The following CDH4 variants were observed in gnomAD, a reference collection of about 807,000 sequenced individuals.
CDH4 encodes the protein cadherin 4.
In CDH4, 33 loss-of-function variants were observed where a neutral mutation model predicts 86.0. That is an observed-to-expected ratio of 0.38 (90% confidence interval 0.29 to 0.51). The LOEUF is 0.51. Among genes scored for constraint, CDH4 ranks in the 20% least tolerant of loss-of-function variants. The pLI, the probability that CDH4 is intolerant of heterozygous loss-of-function variation, is 0.86. For missense variants in CDH4, 1,114 were observed against 1,307.4 expected (o/e 0.85, Z 2.28); for synonymous variants, 555 against 549.4 (o/e 1.01, Z -0.14).
intron 2 of CDH4, chr20:61,719,199 T>TC (rs2088002746): frequency 2.3e-6 from 1 of 439,652 alleles, no homozygotes; most frequent in Non-Finnish European, 4.7e-6. Context: ...GATTTTTTTT[T>TC]TTAAGTCTTG....
intron 4 of CDH4, among the ~76,000 whole-genome samples, chr20:61,789,903 A>C (rs1448966905): frequency 6.6e-6 from 1 of 152,202 alleles, no homozygotes; most frequent in Non-Finnish European, 1.5e-5. Flanking sequence ...AAAATAATGG[A>C]ATCTGAAGCT....
intron 9 of CDH4, among the ~76,000 whole-genome samples, chr20:61,923,105 G>C (rs979382379): frequency 3.3e-5 from 5 of 152,226 alleles, no homozygotes; most frequent in Non-Finnish European, 7.3e-5. Flanking sequence ...AGGCTCAAAG[G>C]AGGAAGGTAG....
chr20:61,934,448 T>TA (rs1232796235), intron 15 of CDH4, among the ~76,000 whole-genome samples: 3 of 152,110 alleles, frequency 2.0e-5, no homozygotes, highest in African/African-American at 7.2e-5. Flanking sequence ...CCCTGTAGGC[T>TA]AGGCGAAGGA....
chr20:61,286,536 G>A (rs544085169), intron 2 of CDH4, among the ~76,000 whole-genome samples: 1 of 152,358 alleles, frequency 6.6e-6, no homozygotes, highest in South Asian at 2.1e-4. Flanking sequence ...AAGAGTAACA[G>A]CTAATGCTTT....
At chr20:61,349,945 C>T (rs1284160565) in intron 2 of CDH4, among the ~76,000 whole-genome samples, 5 of 152,140 alleles carry the variant, frequency 3.3e-5, no homozygotes, top group East Asian at 1.9e-4. Context: ...CTCAGCCCAG[C>T]GCCAGGAACC....
intron 4 of CDH4, among the ~76,000 whole-genome samples, chr20:61,818,421 A>G (rs1403014159): frequency 6.6e-6 from 1 of 152,124 alleles, no homozygotes; most frequent in Non-Finnish European, 1.5e-5. Context: ...CCATCCTGTA[A>G]TCCCGGCACT....
intron 2 of CDH4, among the ~76,000 whole-genome samples, chr20:61,706,826 G>A (rs560015712): frequency 4.6e-5 from 7 of 152,206 alleles, no homozygotes; most frequent in Non-Finnish European, 7.3e-5. Flanking sequence ...TCATGTGACC[G>A]TCAGCATCCG....
intron 2 of CDH4, among the ~76,000 whole-genome samples, chr20:61,714,447 TA>T (rs1439340927): frequency 2.1e-4 from 6 of 28,102 alleles, no homozygotes; most frequent in African/African-American, 1.0e-3. Context: ...CCAGTAGCCT[TA>T]GGGATACAAG....
Position 61,811,662 on chromosome 20 carries a change from G to A in CDH4, c.577-33006G>A, listed in dbSNP as rs923035071. ...TCACGCCCCTGCCACCCGGGGTCAC[G>A]CCCCTGGCTGCCTACTGAGCTTTTT... On this transcript the variant is annotated intron_variant, in intron 4 of 15. Coordinates refer to ENST00000614565, the MANE Select transcript of CDH4 (RefSeq NM_001794.5). The surrounding 1 kb of genome is among the most constrained non-coding windows in gnomAD (Gnocchi z 4.4). 6.8e-6 allele frequency among the ~76,000 whole-genome samples: 1 copy of A among 147,040 alleles called. No homozygotes were observed. Among genetic ancestry groups the A allele is most frequent in the East Asian group, 2.0e-4 (1 of 4,990 alleles).
intron 2 of CDH4, among the ~76,000 whole-genome samples, chr20:61,375,309 A>T (rs2084860859): frequency 6.6e-6 from 1 of 152,140 alleles, no homozygotes; most frequent in Non-Finnish European, 1.5e-5. Context: ...AGCAGTGCTG[A>T]TGGAGGTGAT....
intron 2 of CDH4, among the ~76,000 whole-genome samples, chr20:61,470,868 G>A (rs181114801): frequency 1.6e-4 from 25 of 152,106 alleles, no homozygotes; most frequent in Admixed American, 7.2e-4. Flanking sequence ...AACCATCTTC[G>A]CATCCCTGGG....
intron 2 of CDH4, among the ~76,000 whole-genome samples, chr20:61,431,633 T>C (rs1219908085): frequency 6.6e-6 from 1 of 152,228 alleles, no homozygotes; most frequent in African/African-American, 2.4e-5. Context: ...ATGTTGGGAC[T>C]ATAGGAGTGA....
intron 2 of CDH4, among the ~76,000 whole-genome samples, chr20:61,606,568 T>C (rs1353750162): frequency 6.6e-6 from 1 of 152,226 alleles, no homozygotes; most frequent in Non-Finnish European, 1.5e-5. Flanking sequence ...CATATCTGAA[T>C]GATTGCTGTT....
intron 3 of CDH4, among the ~76,000 whole-genome samples, chr20:61,768,583 T>C (rs1353088790): frequency 6.6e-6 from 1 of 152,216 alleles, no homozygotes. Context: ...ACTGGAAGCA[T>C]TATTTTCAGT....
chr20:61,297,998 G>A (rs891396797), intron 2 of CDH4, among the ~76,000 whole-genome samples: 6 of 152,226 alleles, frequency 3.9e-5, no homozygotes, highest in African/African-American at 7.2e-5. Flanking sequence ...CTGGGGGCCC[G>A]TTATCCCGTG....
At chr20:61,766,041 G>A (rs896412557) in intron 3 of CDH4, among the ~76,000 whole-genome samples, 1 of 152,040 alleles carries the variant, frequency 6.6e-6, no homozygotes, top group African/African-American at 2.4e-5. Flanking sequence ...GCTGGGCCCA[G>A]CCCTGGGTTC....
At chr20:61,868,849 C>T (rs765254943) in intron 6 of CDH4, among the ~76,000 whole-genome samples, 7 of 152,260 alleles carry the variant, frequency 4.6e-5, no homozygotes, top group Non-Finnish European at 7.3e-5. Flanking sequence ...GAGCTCTGAG[C>T]ACACGTGGGG....
chr20:61,771,015 T>C (rs910848934), intron 3 of CDH4, among the ~76,000 whole-genome samples: 8 of 126,770 alleles, frequency 6.3e-5, no homozygotes, highest in East Asian at 2.0e-4. Flanking sequence ...TTTTTCTTTT[T>C]TTTTTTTTTT....
At position 61,383,625 on chromosome 20, in the gene CDH4, A is replaced by ACATATC. The variant is rs1568823136; in HGVS notation, c.169+128688_169+128689insCATATC. Reference sequence around the variant, plus strand: ...TATATGATATATATGAATATATGATATATATCATATATGAATATGTATGAA... The same window carrying ACATATC: ...TATATGATATATATGAATATATGATACATATCTATATCATATATGAATATGTATGAA... On this transcript the variant is annotated intron_variant, in intron 2 of 15. Transcript: ENST00000614565. 1.2e-4 allele frequency among the ~76,000 whole-genome samples: 5 copies of ACATATC among 41,326 alleles called. 2 individuals carry two copies. Among genetic ancestry groups the ACATATC allele is most frequent in the South Asian group, 1.3e-3 (2 of 1,600 alleles). 27.1% of individuals were successfully genotyped at this position (41,326 alleles called of 152,430 possible). A position where few individuals can be genotyped will look rare whatever the true frequency, so the allele number is the denominator to read the frequency against.
Sources: allele counts gnomAD v4.1 joint callset (sites outside exome capture counted in the v4.1 genomes callset), GRCh38; gene constraint gnomAD v4.1.1; non-coding constraint Gnocchi (gnomAD v3.1); transcripts MANE v1.5; gene names NCBI Gene and HGNC (gene_info 2026-07-23, HGNC 2026-07-21).